The following SNTB2 variants were observed in gnomAD, a reference collection of about 807,000 sequenced individuals.
SNTB2 encodes the protein beta-2-syntrophin.
A neutral mutation model predicts 46.2 loss-of-function variants in SNTB2; 34 were observed. That is an observed-to-expected ratio of 0.74 (90% confidence interval 0.56 to 0.98). SNTB2 has a LOEUF of 0.98. Among genes scored for constraint, SNTB2 ranks in the 50% least tolerant of loss-of-function variants. The pLI is 0.00. For synonymous variants in SNTB2, 290 were observed against 312.6 expected (o/e 0.93, Z 0.76); for missense variants, 603 against 731.4 (o/e 0.82, Z 2.02).
intron 4 of SNTB2, among the ~76,000 whole-genome samples, chr16:69,275,081 T>C (rs984815725): frequency 1.1e-4 from 16 of 151,592 alleles, no homozygotes; most frequent in African/African-American, 3.9e-4. Context: ...CCTTCTCTCT[T>C]TTTTTTTCTG....
At chr16:69,288,626 A>G (rs1177716625) in intron 5 of SNTB2, among the ~76,000 whole-genome samples, 5 of 152,246 alleles carry the variant, frequency 3.3e-5, no homozygotes, top group African/African-American at 1.2e-4. Flanking sequence ...GGAAAACAGT[A>G]TGAATATTTC....
rs1015423341 is a variant in SNTB2, at chr16:69,260,236, G to A, written c.981G>A (p.Lys327=). 3 of 1,614,060 alleles carry A rather than the reference G, an allele frequency of 1.9e-6. No individual in the cohort carries two copies. The highest frequency in any genetic ancestry group is 2.7e-5 in the African/African-American group (2 of 74,938). ...TSTAGGSKEV[K]HIAWLAEQAK... ...CAGCAGGAGGCAGTAAAGAGGTGAAGCATATTGCCTGGCTGGCAGAACAGG... is the reference window on the plus strand; with the variant it reads ...CAGCAGGAGGCAGTAAAGAGGTGAAACATATTGCCTGGCTGGCAGAACAGG... The change falls in exon 3 of 7, where the codon AAG becomes AAA. Residue 327 remains lysine, a synonymous_variant. Transcript: ENST00000336278.
At chr16:69,225,116 A>AGGC (rs1174088454) in intron 1 of SNTB2, among the ~76,000 whole-genome samples, 11 of 152,356 alleles carry the variant, frequency 7.2e-5, no homozygotes, top group Admixed American at 7.2e-4. Context: ...ATAACAATGA[A>AGGC]GGCCTGGCAG....
intron 4 of SNTB2, among the ~76,000 whole-genome samples, chr16:69,276,070 C>T (rs918306593): frequency 2.6e-5 from 4 of 152,096 alleles, no homozygotes; most frequent in African/African-American, 7.2e-5. Context: ...TTATTTTACA[C>T]ATTTCTTGAG....
chr16:69,297,775 G>A (rs1379152654), intron 5 of SNTB2, among the ~76,000 whole-genome samples: 4 of 152,024 alleles, frequency 2.6e-5, no homozygotes, highest in Non-Finnish European at 5.9e-5. Flanking sequence ...TTAGCCGGGC[G>A]TGGTGGTGTA....
intron 1 of SNTB2, among the ~76,000 whole-genome samples, chr16:69,215,684 T>C (rs1441245219): frequency 2.6e-5 from 4 of 152,224 alleles, no homozygotes; most frequent in Non-Finnish European, 4.4e-5. Context: ...TTCATATATT[T>C]AAGAAGGTGC....
chr16:69,198,792 C>T (rs115258293), intron 1 of SNTB2, among the ~76,000 whole-genome samples: 2,763 of 152,066 alleles, frequency 0.018, 85 homozygotes, highest in African/African-American at 0.062. Context: ...AGATCCCTTC[C>T]AGCTCATATT....
At chr16:69,198,396 C>T (rs1295915419) in intron 1 of SNTB2, among the ~76,000 whole-genome samples, 1 of 152,012 alleles carries the variant, frequency 6.6e-6, no homozygotes, top group Non-Finnish European at 1.5e-5. Context: ...GATGTGAGTC[C>T]TCATGCCTGG....
rs374088646 is a variant in SNTB2 at position 69,212,994 on chromosome 16, A to T, written c.580+25248A>T. Among the ~76,000 whole-genome samples, 14 of 152,156 alleles carry T rather than the reference A, an allele frequency of 9.2e-5. No individual in the cohort carries two copies. The East Asian group carries it at 1.5e-3, about 17-fold the overall frequency. Reference sequence around the variant, plus strand: ...TTCTATAATAGTGCTTAATATACTGAGTCATAATTATTTATTCATTAGTAG... The same window carrying T: ...TTCTATAATAGTGCTTAATATACTGTGTCATAATTATTTATTCATTAGTAG... On this transcript the variant is annotated intron_variant, in intron 1 of 6. Coordinates refer to ENST00000336278, the MANE Select transcript of SNTB2 (RefSeq NM_006750.4).
intron 4 of SNTB2, among the ~76,000 whole-genome samples, chr16:69,273,333 G>A (rs939559657): frequency 9.9e-5 from 15 of 152,158 alleles, no homozygotes; most frequent in Admixed American, 3.3e-4. Flanking sequence ...CAACCTAAGT[G>A]TCCATCAACT....
intron 6 of SNTB2, 84 bp downstream of exon 6, chr16:69,299,858 A>G (rs1210263852): frequency 2.2e-6 from 3 of 1,358,072 alleles, no homozygotes; most frequent in African/African-American, 1.5e-5. Flanking sequence ...ATACAAAGTC[A>G]TGGACTGACA....
At chr16:69,226,723 G>T (rs777201486) in intron 1 of SNTB2, among the ~76,000 whole-genome samples, 6 of 152,106 alleles carry the variant, frequency 3.9e-5, no homozygotes, top group Admixed American at 6.5e-5. Flanking sequence ...TAAAGACGGG[G>T]TCTCGCTATG....
intron 4 of SNTB2, among the ~76,000 whole-genome samples, chr16:69,281,289 T>C (rs2143151007): frequency 6.6e-6 from 1 of 151,750 alleles, no homozygotes; most frequent in African/African-American, 2.4e-5. Flanking sequence ...TGGAGTGCAA[T>C]GGCGCGATCT....
chr16:69,280,587 G>T (rs1009452352), intron 4 of SNTB2, among the ~76,000 whole-genome samples: 1 of 148,236 alleles, frequency 6.7e-6, no homozygotes, highest in Admixed American at 6.7e-5. Flanking sequence ...CCGGGCGGGG[G>T]GCTGAACCCC....
intron 2 of SNTB2, among the ~76,000 whole-genome samples, chr16:69,254,957 C>T (rs575895652): frequency 8.9e-4 from 136 of 152,180 alleles, no homozygotes; most frequent in Non-Finnish European, 1.6e-3. Context: ...AATTTCTGCC[C>T]AGTAATCTGT....
In SNTB2 at chr16:69,187,208, G is replaced by T; in HGVS notation, c.42G>T (p.Pro14=). The T allele has an allele frequency of 7.0e-7, 1 of 1,422,482 alleles. No homozygotes were observed. The highest frequency in any genetic ancestry group is 2.8e-5 in the East Asian group (1 of 35,294). 88.1% of individuals were successfully genotyped at this position (1,422,482 alleles called of 1,614,324 possible). ...CGACTGCGGCGGCTGGAGCGGGGCC[G>T]GCCATGGCGGTGTGGACGCGGGCCA... ...AAATAAAGAG[P]AMAVWTRATK... is the part of the protein sequence containing the mutation. Residue 14 remains proline (P), a synonymous_variant, in exon 1 of 7, where the codon CCG becomes CCT. Transcript: ENST00000336278.
At chr16:69,254,714 A>G (rs1964756682) in intron 2 of SNTB2, among the ~76,000 whole-genome samples, 1 of 152,232 alleles carries the variant, frequency 6.6e-6, no homozygotes, top group South Asian at 2.1e-4. Context: ...ACAGTGGCTC[A>G]TGCCTATAAT....
chr16:69,237,770 T>C (rs1964572795), intron 1 of SNTB2, among the ~76,000 whole-genome samples: 1 of 151,376 alleles, frequency 6.6e-6, no homozygotes, highest in African/African-American at 2.4e-5. Flanking sequence ...GCCTGGCTAA[T>C]TTTGTATTTT....
intron 1 of SNTB2, among the ~76,000 whole-genome samples, chr16:69,238,060 TTC>T (rs1300683501): frequency 1.3e-5 from 2 of 152,192 alleles, no homozygotes; most frequent in African/African-American, 4.8e-5. Flanking sequence ...GGTCCGCTCC[TTC>T]TCTACATGCC....
Sources: gnomAD v4.1 joint callset for allele counts (sites outside exome capture counted in the v4.1 genomes callset) on GRCh38, gnomAD v4.1.1 for gene constraint, MANE v1.5 for transcripts, NCBI Gene and HGNC (gene_info 2026-07-23, HGNC 2026-07-21) for gene names.